The following DNM3 variants were observed in gnomAD, a reference collection of about 807,000 sequenced individuals.
DNM3 encodes dynamin-3.
In DNM3, 47 loss-of-function variants were observed where a neutral mutation model predicts 101.6. That is an observed-to-expected ratio of 0.46 (90% CI 0.37 to 0.59). The LOEUF (loss-of-function observed/expected upper bound fraction) is 0.59, where lower values mean the gene tolerates loss of function less well. DNM3 is among the 20% of genes least tolerant of loss of function. The pLI is 0.00. For synonymous variants in DNM3, 385 were observed against 387.9 expected (o/e 0.99, Z 0.09); for missense variants, 849 against 1,085.7 (o/e 0.78, Z 3.06).
intron 2 of DNM3, among the ~76,000 whole-genome samples, chr1:171,954,428 G>A (rs1487488192): frequency 6.6e-6 from 1 of 152,162 alleles, no homozygotes; most frequent in African/African-American, 2.4e-5. Context: ...GGAGTTTCTG[G>A]AATAGCATCT....
At chr1:171,952,243 TCTG>T (rs2042577415) in intron 2 of DNM3, among the ~76,000 whole-genome samples, 1 of 152,208 alleles carries the variant, frequency 6.6e-6, no homozygotes, top group South Asian at 2.1e-4. Flanking sequence ...ATGGAGATTA[TCTG>T]CAAATGCAAA....
In DNM3 at chr1:172,410,377, A is replaced by G; in HGVS notation, c.*2536A>G. On this transcript the variant is annotated 3_prime_UTR_variant, in exon 21 of 21. Transcript: ENST00000627582. ...TAATCTTTTGTGTAATTTTCTCTTA[A>G]CTGATTGCTCTGATATTGTAAACAC... 1.0e-6 allele frequency: 1 copy of G among 985,208 alleles called. No individual in the cohort carries two copies. Among genetic ancestry groups the G allele is most frequent in the Non-Finnish European group, 1.2e-6 (1 of 829,778 alleles). The allele number at this position is 985,208 out of a possible 1,614,324, so 61.0% of individuals were successfully genotyped here. A position where few individuals can be genotyped will look rare whatever the true frequency, so the allele number is the denominator to read the frequency against.
rs150653481 is a variant in DNM3 at position 172,398,659 on chromosome 1, C to T, written c.2523-9113C>T. Among the ~76,000 whole-genome samples the T allele has an allele frequency of 1.4e-3, 214 of 152,298 alleles. 1 individual carries two copies. Among genetic ancestry groups the T allele is most frequent in the African/African-American group, 4.9e-3 (202 of 41,572 alleles). On this transcript the variant is annotated intron_variant, in intron 20 of 20. Transcript: ENST00000627582. The stretch of plus-strand genomic sequence containing the variant: ...CTTTCCAAGTCCAGCCATCTTCTTA[C>T]GTACAGCCTCCATGGTCAGTACAGC...
At chr1:172,181,997 A>G (rs1488767840) in intron 14 of DNM3, among the ~76,000 whole-genome samples, 1 of 152,054 alleles carries the variant, frequency 6.6e-6, no homozygotes, top group Non-Finnish European at 1.5e-5. Flanking sequence ...CCACAACTTT[A>G]TGAACTCTAT....
At position 171,985,088 on chromosome 1, in the gene DNM3, C is replaced by T. The variant is rs114132061; in HGVS notation, c.236-2568C>T. Among the ~76,000 whole-genome samples, 830 of 152,244 alleles carry T rather than the reference C, an allele frequency of 5.5e-3. 13 individuals carry two copies. Among genetic ancestry groups the T allele is most frequent in the African/African-American group, 0.019 (784 of 41,534 alleles). ...ATCTAGTGGCAACAAAGGAGATCCA[C>T]ATTTGTGTTAACTGGAATGTATCGA... On this transcript the variant is annotated intron_variant, in intron 2 of 20. Transcript: ENST00000627582.
intron 4 of DNM3, among the ~76,000 whole-genome samples, chr1:171,989,838 T>C (rs1291774426): frequency 6.6e-6 from 1 of 152,170 alleles, no homozygotes; most frequent in Non-Finnish European, 1.5e-5. Context: ...AGATACATGT[T>C]CTTCAGTTCT....
At chr1:172,263,957 G>A (rs534762502) in intron 15 of DNM3, among the ~76,000 whole-genome samples, 42 of 152,302 alleles carry the variant, frequency 2.8e-4, no homozygotes, top group Admixed American at 5.2e-4. Flanking sequence ...TATTATACAT[G>A]AAATTAATGA....
chr1:172,268,919 A>T (rs1211626837), intron 15 of DNM3, among the ~76,000 whole-genome samples: 1 of 152,186 alleles, frequency 6.6e-6, no homozygotes, highest in Non-Finnish European at 1.5e-5. Flanking sequence ...GGAATTCTTC[A>T]TGCTTAAAAC....
At chr1:171,958,634 T>C (rs954948915) in intron 2 of DNM3, among the ~76,000 whole-genome samples, 3 of 152,062 alleles carry the variant, frequency 2.0e-5, no homozygotes, top group Non-Finnish European at 4.4e-5. Context: ...TGGATTGCTG[T>C]GATTACAATG....
At chr1:171,845,523 C>T (rs775928529) in intron 1 of DNM3, among the ~76,000 whole-genome samples, 3 of 152,094 alleles carry the variant, frequency 2.0e-5, no homozygotes, top group South Asian at 2.1e-4. Flanking sequence ...CACTGCACTC[C>T]GGCATGGCTG....
At chr1:172,326,364 G>C (rs1270526714) in intron 17 of DNM3, among the ~76,000 whole-genome samples, 1 of 152,082 alleles carries the variant, frequency 6.6e-6, no homozygotes, top group Non-Finnish European at 1.5e-5. Flanking sequence ...GGTTTCCCTG[G>C]ACCACAGATT....
At chr1:172,187,918 G>A (rs774002908) in intron 14 of DNM3, among the ~76,000 whole-genome samples, 11 of 151,914 alleles carry the variant, frequency 7.2e-5, no homozygotes, top group Non-Finnish European at 1.6e-4. Flanking sequence ...TGCAGCTTTA[G>A]AGAAATAATC....
At chr1:172,169,140 C>T (rs1431790082) in intron 14 of DNM3, among the ~76,000 whole-genome samples, 1 of 151,740 alleles carries the variant, frequency 6.6e-6, no homozygotes, top group Non-Finnish European at 1.5e-5. Context: ...AGAATCCTTC[C>T]CTATTTCTGC....
intron 1 of DNM3, among the ~76,000 whole-genome samples, chr1:171,911,765 G>A (rs190938529): frequency 2.6e-4 from 40 of 152,238 alleles, no homozygotes; most frequent in African/African-American, 7.0e-4. Flanking sequence ...AGGGGTTGAC[G>A]TGAGCTGTCT....
intron 14 of DNM3, among the ~76,000 whole-genome samples, chr1:172,247,656 C>CTTTCTTACTTAT (rs1553207717): frequency 7.4e-6 from 1 of 135,330 alleles, no homozygotes; most frequent in Non-Finnish European, 1.6e-5. Context: ...ATTATTATTT[C>CTTTCTTACTTAT]TTATTTATTT....
chr1:172,043,984 T>C (rs1210701189), intron 8 of DNM3, among the ~76,000 whole-genome samples: 1 of 152,220 alleles, frequency 6.6e-6, no homozygotes, highest in Non-Finnish European at 1.5e-5. Flanking sequence ...AAGACAGCCA[T>C]TGTTAATTTC....
intron 15 of DNM3, among the ~76,000 whole-genome samples, chr1:172,284,110 C>A (rs1179542146): frequency 6.6e-6 from 1 of 152,178 alleles, no homozygotes; most frequent in East Asian, 1.9e-4. Flanking sequence ...GGCAAAGACA[C>A]CTCCATTTTA....
At chr1:171,925,124 C>T (rs1008315052) in intron 2 of DNM3, among the ~76,000 whole-genome samples, 1 of 151,004 alleles carries the variant, frequency 6.6e-6, no homozygotes, top group Non-Finnish European at 1.5e-5. Context: ...TGGTCTTGAA[C>T]TCCTGACCTC....
chr1:172,032,372 T>A, intron 4 of DNM3, 30 bp from the exon 5 acceptor site: 6 of 1,524,454 alleles, frequency 3.9e-6, no homozygotes, highest in Non-Finnish European at 5.5e-6. Context: ...TTCTGCAAAT[T>A]GTGTAATGTT....
Sources: gnomAD v4.1 joint callset for allele counts (sites outside exome capture counted in the v4.1 genomes callset) on GRCh38, gnomAD v4.1.1 for gene constraint, MANE v1.5 for transcripts, NCBI Gene and HGNC (gene_info 2026-07-23, HGNC 2026-07-21) for gene names.